Variants in SUFU observed in about 807,000 individuals in gnomAD.
The protein encoded by SUFU is SUFU negative regulator of hedgehog signaling.
A neutral mutation model predicts 58.9 loss-of-function variants in SUFU; 7 were observed. The ratio of observed to expected loss-of-function variants is 0.12; its 90% CI spans 0.07 to 0.22. SUFU has a LOEUF of 0.22. Ranked by LOEUF, SUFU falls within the 10% of genes least tolerant of loss-of-function variation. The pLI is 1.00. For synonymous variants in SUFU, 232 were observed against 254.8 expected (o/e 0.91, Z 0.85); for missense variants, 451 against 641.3 (o/e 0.70, Z 3.20).
chr10:102,523,623 A>G (rs1301407125), intron 2 of SUFU, among the ~76,000 whole-genome samples: 1 of 152,166 alleles, frequency 6.6e-6, no homozygotes, highest in Non-Finnish European at 1.5e-5. Flanking sequence ...CTTTTCCCAT[A>G]TATCAGGTTG....
At chr10:102,626,277 G>T (rs964331918) in intron 10 of SUFU, among the ~76,000 whole-genome samples, 1 of 152,198 alleles carries the variant, frequency 6.6e-6, no homozygotes, top group African/African-American at 2.4e-5. Context: ...CGAGAGGGGT[G>T]GGTGGGGAAG....
chr10:102,596,326 C>G (rs946082628), intron 6 of SUFU, among the ~76,000 whole-genome samples: 3 of 152,188 alleles, frequency 2.0e-5, no homozygotes, highest in Non-Finnish European at 4.4e-5. Flanking sequence ...TTCCAGATGA[C>G]TTTTAATTCA....
Position 102,619,125 on chromosome 10 carries a change from A to G in SUFU, c.1296+1697A>G. ...CCTGGAACGTCTTTCTGCCCTGAGG[A>G]GAGGGTAGTCAGCATCTCCAATTTT... On this transcript the variant is annotated intron_variant, in intron 10 of 11. Transcript: ENST00000369902. This position sits in a 1 kb window ranked among gnomAD's most constrained non-coding sequence, Gnocchi z 4.2. 1.2e-6 allele frequency: 2 copies of G among 1,612,514 alleles called. No individual in the cohort carries two copies. The highest frequency in any genetic ancestry group is 1.7e-6 in the Non-Finnish European group (2 of 1,179,786).
chr10:102,619,417 T>C lies in SUFU; in HGVS notation c.1296+1989T>C. The C allele has an allele frequency of 7.4e-7, 1 of 1,350,416 alleles. No individual in the cohort carries two copies. The highest frequency in any genetic ancestry group is 9.6e-7 in the Non-Finnish European group (1 of 1,046,948). The allele number at this position is 1,350,416 out of a possible 1,614,324, so 83.7% of individuals were successfully genotyped here. A position where few individuals can be genotyped will look rare whatever the true frequency, so the allele number is the denominator to read the frequency against. ...CCGGGGCGCGGTGGGAACGAGCTGC[T>C]GGCCTCGGCATGTTTCAATAAAGTT... On this transcript the variant is annotated intron_variant, in intron 10 of 11. Coordinates refer to ENST00000369902, the MANE Select transcript of SUFU (RefSeq NM_016169.4). The surrounding 1 kb of genome is among the most constrained non-coding windows in gnomAD (Gnocchi z 4.2).
intron 3 of SUFU, among the ~76,000 whole-genome samples, chr10:102,588,568 G>A (rs1427791034): frequency 6.6e-6 from 1 of 152,106 alleles, no homozygotes; most frequent in Non-Finnish European, 1.5e-5. Context: ...CTTCAACTTT[G>A]CTCGTCTTCT....
chr10:102,630,908 G>C lies in SUFU; in HGVS notation c.*753G>C. 4.2e-6 allele frequency: 1 copy of C among 235,694 alleles called. No homozygotes were observed. Among genetic ancestry groups the C allele is most frequent in the Non-Finnish European group, 8.3e-6 (1 of 119,772 alleles). The allele number at this position is 235,694 out of a possible 1,614,324, so 14.6% of individuals were successfully genotyped here. ...CCCAGCTGGGCCTGGTGGAGCCCGGGGCAGGGGGAGAGTAGAGACACTCCC... is the reference window on the plus strand; with the variant it reads ...CCCAGCTGGGCCTGGTGGAGCCCGGCGCAGGGGGAGAGTAGAGACACTCCC... On this transcript the variant is annotated 3_prime_UTR_variant, in exon 12 of 12. Coordinates refer to ENST00000369902, the MANE Select transcript of SUFU (RefSeq NM_016169.4).
chr10:102,547,692 C>T (rs2062868088), intron 2 of SUFU, among the ~76,000 whole-genome samples: 2 of 152,228 alleles, frequency 1.3e-5, no homozygotes, highest in Admixed American at 1.3e-4. Flanking sequence ...CATGGTGGTG[C>T]ACACCTGTGG....
intron 8 of SUFU, among the ~76,000 whole-genome samples, chr10:102,611,904 T>A (rs1275717676): frequency 2.0e-5 from 3 of 152,162 alleles, no homozygotes; most frequent in Non-Finnish European, 2.9e-5. Context: ...GAGCTGTGCC[T>A]CCCTGAGAGC....
intron 2 of SUFU, among the ~76,000 whole-genome samples, chr10:102,548,009 G>T (rs767740105): frequency 6.6e-6 from 1 of 152,006 alleles, no homozygotes; most frequent in African/African-American, 2.4e-5. Flanking sequence ...AAAGAAATTA[G>T]CCAGGTGCTA....
intron 2 of SUFU, among the ~76,000 whole-genome samples, chr10:102,545,799 C>T (rs2062849154): frequency 6.6e-6 from 1 of 151,928 alleles, no homozygotes; most frequent in Admixed American, 6.6e-5. Flanking sequence ...CATAATGAAA[C>T]CCTGTCTCTA....
rs992019083 is a variant in SUFU, at chr10:102,550,846, G to C, written c.454+740G>C. On this transcript the variant is annotated intron_variant, in intron 3 of 11. Coordinates refer to ENST00000369902, the MANE Select transcript of SUFU (RefSeq NM_016169.4). ...AACCTATGCCTCCCAGGTTCAAGTG[G>C]TTCTCCTGCCTCAGCCTCCTGTGTA... Among the ~76,000 whole-genome samples the C allele has an allele frequency of 8.6e-5, 13 of 151,580 alleles. No individual in the cohort carries two copies. The East Asian group carries it at 2.5e-3, about 29-fold the overall frequency.
At chr10:102,511,672 C>A (rs2062402501) in intron 2 of SUFU, among the ~76,000 whole-genome samples, 1 of 152,038 alleles carries the variant, frequency 6.6e-6, no homozygotes, top group Non-Finnish European at 1.5e-5. Context: ...GGTAAAAGAG[C>A]TGGGATTGAA....
intron 3 of SUFU, among the ~76,000 whole-genome samples, chr10:102,562,509 C>T (rs1028438757): frequency 6.0e-5 from 9 of 151,088 alleles, no homozygotes; most frequent in Non-Finnish European, 1.3e-4. Flanking sequence ...GGCAACAGAG[C>T]GAGACTCTGT....
At chr10:102,545,293 A>AT (rs1162195255) in intron 2 of SUFU, among the ~76,000 whole-genome samples, 53,816 of 106,382 alleles carry the variant, frequency 0.51, 13,396 homozygotes, top group Middle Eastern at 0.64. Flanking sequence ...TAATTTTTGT[A>AT]TTTTTTTTTT....
intron 3 of SUFU, among the ~76,000 whole-genome samples, chr10:102,588,041 T>G (rs962849733): frequency 1.3e-5 from 2 of 152,210 alleles, no homozygotes; most frequent in Non-Finnish European, 2.9e-5. Flanking sequence ...CCAGTTCTTT[T>G]AGCAGCATTT....
Position 102,577,687 on chromosome 10 carries a change from T to G in SUFU, c.455-14895T>G, listed in dbSNP as rs531049526. Among the ~76,000 whole-genome samples, 520 of 150,490 alleles carry G rather than the reference T, an allele frequency of 3.5e-3. 1 individual carries two copies. The highest frequency in any genetic ancestry group is 5.5e-3 in the Admixed American group (83 of 15,154). On this transcript the variant is annotated intron_variant, in intron 3 of 11. Transcript: ENST00000369902. ...TGTATATAGGACTACGAGTTGTTTT[T>G]TTTTTTTTTTTGAGACGTAGTCTCG...
At chr10:102,530,484 TCAC>T (rs2062665393) in intron 2 of SUFU, among the ~76,000 whole-genome samples, 1 of 142,896 alleles carries the variant, frequency 7.0e-6, no homozygotes, top group South Asian at 2.3e-4. Context: ...AGACAGGGAC[TCAC>T]TCTGTTGCCC....
At chr10:102,503,323 A>C (rs1040137820), upstream of SUFU, among the ~76,000 whole-genome samples, 1 of 152,236 alleles carries the variant, frequency 6.6e-6, no homozygotes, top group Admixed American at 6.5e-5. Context: ...ACAGGCTAAC[A>C]TTGATCCGAA....
intron 6 of SUFU, among the ~76,000 whole-genome samples, chr10:102,596,313 G>C (rs948953887): frequency 2.6e-5 from 4 of 152,216 alleles, no homozygotes; most frequent in African/African-American, 9.6e-5. Context: ...TGGACATAGA[G>C]CCTTCCAGAT....
Sources: gnomAD v4.1 joint callset for allele counts (sites outside exome capture counted in the v4.1 genomes callset) on GRCh38, gnomAD v4.1.1 for gene constraint, Gnocchi (gnomAD v3.1) non-coding constraint, MANE v1.5 for transcripts, NCBI Gene and HGNC (gene_info 2026-07-23, HGNC 2026-07-21) for gene names.